SPATS2: variants seen among roughly 807,000 people sequenced by gnomAD.
SPATS2 encodes spermatogenesis-associated serine-rich protein 2.
SPATS2 carries 38 observed loss-of-function variants against 63.7 expected under a neutral mutation model. The observed-to-expected ratio is 0.60, with a 90% CI of 0.46 to 0.78. The LOEUF (loss-of-function observed/expected upper bound fraction) is 0.78. Ranked by LOEUF, SPATS2 falls within the 30% of genes least tolerant of loss-of-function variation. SPATS2 has a pLI of 0.00. For synonymous variants in SPATS2, 207 were observed against 232.9 expected (o/e 0.89, Z 1.01); for missense variants, 588 against 666.2 (o/e 0.88, Z 1.29).
chr12:49,492,225 T>TC (rs1469728048), intron 6 of SPATS2, among the ~76,000 whole-genome samples: 1 of 151,546 alleles, frequency 6.6e-6, no homozygotes, highest in Non-Finnish European at 1.5e-5. Context: ...TTTTCTTTTT[T>TC]TTTTTTCTTT....
Position 49,519,151 on chromosome 12 carries a change from A to C in SPATS2, c.977A>C (p.Gln326Pro). Residue 326 changes from glutamine to proline, a missense_variant, in exon 11 of 14, where the codon CAG (glutamine) becomes CCG (proline). By Grantham distance (76) the Gln-to-Pro change is moderately conservative. Coordinates refer to ENST00000552918, the MANE Select transcript of SPATS2 (RefSeq NM_023071.4). Reference sequence around the variant, plus strand: ...CATGTGGCTGTTCAAATGTCAGAGCAGCAATTGGTTGAGCTCAGAGCTGAT... The same window carrying C: ...CATGTGGCTGTTCAAATGTCAGAGCCGCAATTGGTTGAGCTCAGAGCTGAT... Reference protein sequence around the residue: ...MTHVAVQMSEQQLVELRADIK... With the variant: ...MTHVAVQMSEPQLVELRADIK... 1 of 1,614,128 alleles carries C rather than the reference A, an allele frequency of 6.2e-7. No individual in the cohort carries two copies. Among genetic ancestry groups the C allele is most frequent in the South Asian group, 1.1e-5 (1 of 91,058 alleles).
chr12:49,484,741 T>C (rs1203328777), intron 4 of SPATS2, 72 bp downstream of exon 4: 1 of 1,287,798 alleles, frequency 7.8e-7, no homozygotes, highest in African/African-American at 1.5e-5. Context: ...GACTAGTGGC[T>C]ACCACAAACT....
chr12:49,460,082 T>C (rs1945795119), intron 2 of SPATS2, among the ~76,000 whole-genome samples: 1 of 150,922 alleles, frequency 6.6e-6, no homozygotes, highest in Non-Finnish European at 1.5e-5. Flanking sequence ...CACTTCAGCC[T>C]GGGCAACAAG....
chr12:49,481,043 G>C (rs955838180), intron 3 of SPATS2, among the ~76,000 whole-genome samples: 5 of 152,126 alleles, frequency 3.3e-5, no homozygotes, highest in Admixed American at 3.3e-4. Flanking sequence ...CCTAATTTTT[G>C]AAGCCAGCAA....
intron 3 of SPATS2, among the ~76,000 whole-genome samples, chr12:49,479,995 A>C (rs1270924675): frequency 6.6e-6 from 1 of 152,216 alleles, no homozygotes; most frequent in Admixed American, 6.5e-5. Context: ...TATGAGATTA[A>C]GAGAGGATAT....
chr12:49,398,656 A>T (rs964924256), intron 2 of SPATS2, among the ~76,000 whole-genome samples: 12 of 152,192 alleles, frequency 7.9e-5, no homozygotes, highest in Admixed American at 5.9e-4. Context: ...TTCAAACATG[A>T]GAAATCTGGA....
At chr12:49,399,896 G>A (rs540501638) in intron 2 of SPATS2, among the ~76,000 whole-genome samples, 30 of 152,288 alleles carry the variant, frequency 2.0e-4, no homozygotes, top group African/African-American at 7.2e-4. Context: ...AATTAGCCAG[G>A]CGTGGTGGCA....
intron 3 of SPATS2, among the ~76,000 whole-genome samples, chr12:49,482,148 G>A (rs1256155464): frequency 6.6e-6 from 1 of 152,206 alleles, no homozygotes. Flanking sequence ...AAATTAAGAT[G>A]TTAGATTATT....
intron 2 of SPATS2, among the ~76,000 whole-genome samples, chr12:49,408,199 AG>A (rs1944729162): frequency 6.6e-6 from 1 of 151,980 alleles, no homozygotes; most frequent in East Asian, 1.9e-4. Context: ...CTGATAGCAG[AG>A]ATACGCCCGC....
intron 2 of SPATS2, among the ~76,000 whole-genome samples, chr12:49,449,297 C>T (rs1246308488): frequency 6.6e-6 from 1 of 152,192 alleles, no homozygotes; most frequent in Non-Finnish European, 1.5e-5. Flanking sequence ...CTCACTGCAA[C>T]CTCCGCCTCA....
intron 2 of SPATS2, among the ~76,000 whole-genome samples, chr12:49,418,115 T>G (rs1001824390): frequency 4.3e-5 from 6 of 139,862 alleles, no homozygotes; most frequent in East Asian, 4.0e-4. Context: ...TCAGTTTTTT[T>G]TTTTTTTTTT....
At chr12:49,447,850 G>C (rs997616982) in intron 2 of SPATS2, among the ~76,000 whole-genome samples, 8 of 151,960 alleles carry the variant, frequency 5.3e-5, no homozygotes, top group African/African-American at 1.5e-4. Flanking sequence ...TTGGTAAATT[G>C]TGTCTTTTTT....
At chr12:49,462,665 A>C (rs1434320680) in intron 3 of SPATS2, 5 of 575,650 alleles carry the variant, frequency 8.7e-6, no homozygotes. Context: ...TTGCTGATGA[A>C]AGTGGCTTTT....
intron 3 of SPATS2, among the ~76,000 whole-genome samples, chr12:49,469,362 C>T (rs1415848047): frequency 1.4e-5 from 2 of 142,588 alleles, no homozygotes; most frequent in Non-Finnish European, 3.0e-5. Flanking sequence ...TGCATTCCAT[C>T]CTGGGCAACA....
At chr12:49,516,371 A>C (rs1946850821) in intron 10 of SPATS2, among the ~76,000 whole-genome samples, 1 of 150,238 alleles carries the variant, frequency 6.7e-6, no homozygotes. Context: ...AAATTAAAAA[A>C]AAAGAAGGTG....
At chr12:49,503,561 A>G (rs907029183) in intron 9 of SPATS2, among the ~76,000 whole-genome samples, 19 of 151,024 alleles carry the variant, frequency 1.3e-4, no homozygotes, top group African/African-American at 3.7e-4. Context: ...AGGCAGGAGA[A>G]TGGCGTGATC....
At chr12:49,411,892 G>A (rs1210890438) in intron 2 of SPATS2, among the ~76,000 whole-genome samples, 2 of 152,092 alleles carry the variant, frequency 1.3e-5, no homozygotes, top group Non-Finnish European at 2.9e-5. Flanking sequence ...TACAGAAGTT[G>A]GGCTTAACCA....
intron 2 of SPATS2, among the ~76,000 whole-genome samples, chr12:49,374,711 A>G (rs1944062543): frequency 6.6e-6 from 1 of 152,152 alleles, no homozygotes; most frequent in African/African-American, 2.4e-5. Context: ...CTGTAATCCC[A>G]GCACTTTGGG....
chr12:49,461,723 A>G (rs1018567973), intron 3 of SPATS2, among the ~76,000 whole-genome samples: 1 of 152,232 alleles, frequency 6.6e-6, no homozygotes, highest in African/African-American at 2.4e-5. Flanking sequence ...AAAGCTATTC[A>G]TAGATCCAGG....
Sources: allele counts gnomAD v4.1 joint callset (sites outside exome capture counted in the v4.1 genomes callset), GRCh38; gene constraint gnomAD v4.1.1; transcripts MANE v1.5; gene names NCBI Gene and HGNC (gene_info 2026-07-23, HGNC 2026-07-21).